The following VRTN variants were observed in gnomAD, a reference collection of about 807,000 sequenced individuals.
VRTN encodes the protein vertnin.
VRTN carries 5 observed loss-of-function variants against 18.2 expected under a neutral mutation model. The ratio of observed to expected loss-of-function variants is 0.27; its 90% CI spans 0.14 to 0.58. The LOEUF is 0.58. VRTN is among the 20% of genes least tolerant of loss of function. The probability of loss-of-function intolerance (pLI) is 0.91; values close to 1 mark genes in which losing one functional copy is unlikely to be tolerated. For synonymous variants in VRTN, 381 were observed against 393.7 expected (o/e 0.97, Z 0.38); for missense variants, 741 against 939.4 (o/e 0.79, Z 2.76).
intron 1 of VRTN, among the ~76,000 whole-genome samples, chr14:74,335,464 A>G (rs2085557487): frequency 6.6e-6 from 1 of 152,182 alleles, no homozygotes; most frequent in Non-Finnish European, 1.5e-5. Flanking sequence ...ATTTTAAAAT[A>G]TGACTAATAT....
At chr14:74,335,101 G>A (rs74861099) in intron 1 of VRTN, among the ~76,000 whole-genome samples, 1 of 152,170 alleles carries the variant, frequency 6.6e-6, no homozygotes, top group Admixed American at 6.6e-5. Context: ...GGTCAACATG[G>A]TGAAACCTTG....
At chr14:74,336,227 G>C (rs2085563150) in intron 1 of VRTN, among the ~76,000 whole-genome samples, 1 of 151,684 alleles carries the variant, frequency 6.6e-6, no homozygotes, top group South Asian at 2.1e-4. Context: ...GACCAACATG[G>C]AGAAACCCTG....
chr14:74,305,330 CAAAA>C (rs71115979), intron 1 of VRTN: 4 of 122,684 alleles, frequency 3.3e-5, no homozygotes, highest in African/African-American at 6.7e-5. Context: ...GAGACTGTTT[CAAAA>C]AAAAAAAAAA....
At chr14:74,321,870 T>C (rs748732382) in intron 1 of VRTN, among the ~76,000 whole-genome samples, 1 of 151,502 alleles carries the variant, frequency 6.6e-6, no homozygotes, top group Non-Finnish European at 1.5e-5. Context: ...GACAGAGTCT[T>C]GCTCTTGTCC....
At chr14:74,347,776 C>T (rs1023042528), upstream of VRTN, among the ~76,000 whole-genome samples, 1 of 152,194 alleles carries the variant, frequency 6.6e-6, no homozygotes, top group Non-Finnish European at 1.5e-5. Flanking sequence ...TACTGCGTGC[C>T]CCCACCTTTC....
In VRTN at chr14:74,359,113, C is replaced by T; in HGVS notation, c.*221C>T. 1 of 858,004 alleles carries T rather than the reference C, an allele frequency of 1.2e-6. No homozygotes were observed. Among genetic ancestry groups the T allele is most frequent in the Non-Finnish European group, 1.6e-6 (1 of 617,204 alleles). 53.1% of individuals were successfully genotyped at this position (858,004 alleles called of 1,614,324 possible). A position where few individuals can be genotyped will look rare whatever the true frequency, so the allele number is the denominator to read the frequency against. On this transcript the variant is annotated 3_prime_UTR_variant, in exon 2 of 2. Coordinates refer to ENST00000256362, the MANE Select transcript of VRTN (RefSeq NM_018228.3). The stretch of plus-strand genomic sequence containing the variant: ...AGGAAACTGTGGGACCAGAGATATC[C>T]TCTTTCGTTGTTTGCTGGTCATATT...
exon 1 of VRTN, chr14:74,303,155 C>T (rs925514874): frequency 4.6e-6 from 2 of 432,498 alleles, no homozygotes; most frequent in Non-Finnish European, 8.2e-6. Context: ...CAATAGGTAT[C>T]CGAGAGTGTA....
chr14:74,355,364 G>A (rs1255274357), intron 1 of VRTN, among the ~76,000 whole-genome samples: 1 of 152,054 alleles, frequency 6.6e-6, no homozygotes, highest in African/African-American at 2.4e-5. Context: ...TCATGCTAAA[G>A]GGAGCTAATT....
intron 2 of VRTN, among the ~76,000 whole-genome samples, chr14:74,343,415 C>G (rs1016978964): frequency 6.6e-6 from 1 of 152,170 alleles, no homozygotes; most frequent in Non-Finnish European, 1.5e-5. Context: ...CGTGAGCCAC[C>G]GTGCCTGACT....
At chr14:74,338,518 T>C (rs986806642) in intron 2 of VRTN, among the ~76,000 whole-genome samples, 6 of 152,190 alleles carry the variant, frequency 3.9e-5, no homozygotes, top group Admixed American at 6.6e-5. Context: ...CAGAGCTGAG[T>C]ATAATGCCTA....
chr14:74,352,225 G>A (rs1272909270), intron 1 of VRTN, among the ~76,000 whole-genome samples: 1 of 150,504 alleles, frequency 6.6e-6, no homozygotes, highest in Non-Finnish European at 1.5e-5. Context: ...TGTCACCCAG[G>A]CTGGAGTGCG....
intron 1 of VRTN, among the ~76,000 whole-genome samples, chr14:74,327,599 C>T (rs1339314623): frequency 6.6e-6 from 1 of 152,226 alleles, no homozygotes; most frequent in Admixed American, 6.5e-5. Context: ...CCTCTCAAGA[C>T]ACAGGCCTGG....
intron 1 of VRTN, among the ~76,000 whole-genome samples, chr14:74,334,157 G>GT (rs1595169462): frequency 6.6e-6 from 1 of 152,188 alleles, no homozygotes; most frequent in East Asian, 1.9e-4. Flanking sequence ...GCATACATCT[G>GT]GTTTGTGGTT....
At chr14:74,314,391 GTTCTT>G (rs2085406666) in intron 1 of VRTN, among the ~76,000 whole-genome samples, 1 of 100,660 alleles carries the variant, frequency 9.9e-6, no homozygotes, top group Non-Finnish European at 1.9e-5. Context: ...GAAAAAAACT[GTTCTT>G]TTTTTTTTTT....
chr14:74,311,368 C>G (rs541443661), intron 1 of VRTN, among the ~76,000 whole-genome samples: 1 of 152,158 alleles, frequency 6.6e-6, no homozygotes, highest in South Asian at 2.1e-4. Flanking sequence ...TACCCACACT[C>G]AAACACAAAT....
intron 1 of VRTN, among the ~76,000 whole-genome samples, chr14:74,355,979 A>AT (rs1474086013): frequency 6.6e-6 from 1 of 151,744 alleles, no homozygotes; most frequent in African/African-American, 2.4e-5. Flanking sequence ...CTATAGGCAC[A>AT]TGCCACTGTG....
In VRTN at chr14:74,312,266, C is replaced by G. The variant is rs375058358; in HGVS notation, c.-164+9090C>G. 1.6e-4 allele frequency among the ~76,000 whole-genome samples: 25 copies of G among 152,232 alleles called. No individual in the cohort carries two copies. The South Asian group carries it at 3.9e-3, about 24-fold the overall frequency. ...CTGCAATTAACATCTTTGGATATAT[C>G]CCAAATATAGCTAAGTTTAAAAGAA... On this transcript the variant is annotated intron_variant, in intron 1 of 2. Transcript: ENST00000557177.
At chr14:74,338,372 C>T (rs1035271096) in intron 2 of VRTN, among the ~76,000 whole-genome samples, 2 of 152,144 alleles carry the variant, frequency 1.3e-5, no homozygotes, top group Non-Finnish European at 2.9e-5. Flanking sequence ...GAATGAGGGG[C>T]TCAAGAAATA....
intron 1 of VRTN, among the ~76,000 whole-genome samples, chr14:74,327,436 T>C (rs545301326): frequency 6.6e-6 from 1 of 152,324 alleles, no homozygotes; most frequent in Non-Finnish European, 1.5e-5. Context: ...GGAGCCATCC[T>C]ATGATCCTGC....
Sources: allele counts gnomAD v4.1 joint callset (sites outside exome capture counted in the v4.1 genomes callset), GRCh38; gene constraint gnomAD v4.1.1; transcripts MANE v1.5; gene names NCBI Gene and HGNC (gene_info 2026-07-23, HGNC 2026-07-21).